PAM: variants seen among roughly 807,000 people sequenced by gnomAD.
The protein encoded by PAM is peptidyl-glycine alpha-amidating monooxygenase.
In PAM, 72 loss-of-function variants were observed where a neutral mutation model predicts 122.1. The ratio of observed to expected loss-of-function variants is 0.59; its 90% CI spans 0.49 to 0.72. PAM has a LOEUF of 0.72. Among genes scored for constraint, PAM ranks in the 30% least tolerant of loss-of-function variants. The pLI is 0.00. For synonymous variants in PAM, 389 were observed against 404.4 expected, an observed-to-expected ratio of 0.96 and a Z score of 0.46; for missense variants, 1,106 against 1,183.7, an observed-to-expected ratio of 0.93 and a Z score of 0.96.
intron 1 of PAM, among the ~76,000 whole-genome samples, chr5:102,807,712 T>C (rs577672426): frequency 6.6e-6 from 1 of 152,312 alleles, no homozygotes; most frequent in African/African-American, 2.4e-5. Context: ...AATGAAGTAT[T>C]CACCGTTAAG....
At position 102,901,389 on chromosome 5, in the gene PAM, C is replaced by T; in HGVS notation, c.244C>T (p.Pro82Ser). ...DTYFCMSMRIPVDEEAFVIDF... is the reference protein window; with the variant it reads ...DTYFCMSMRISVDEEAFVIDF... ...ATACTTCTGCATGTCTATGCGAATA[C>T]CAGTGGATGAGGAAGCCTTCGTGAG... Residue 82 changes from proline to serine, a missense_variant, in exon 4 of 26, where the codon CCA becomes TCA. Physicochemically the swap from Pro to Ser is moderately conservative, Grantham distance 74 (BLOSUM62 -1). This residue lies in a region of PAM where 670 missense variants were observed against 690.3 expected (regional missense o/e 0.97). Transcript: ENST00000438793. The T allele has an allele frequency of 1.3e-6, 2 of 1,588,448 alleles. No individual in the cohort carries two copies. Among genetic ancestry groups the T allele is most frequent in the Non-Finnish European group, 1.7e-6 (2 of 1,158,348 alleles).
chr5:102,963,352 G>A (rs563658901), intron 14 of PAM, among the ~76,000 whole-genome samples: 1 of 151,894 alleles, frequency 6.6e-6, no homozygotes, highest in Non-Finnish European at 1.5e-5. Context: ...ATATTTGTTT[G>A]CACAAAGTGT....
intron 16 of PAM, among the ~76,000 whole-genome samples, chr5:103,000,889 A>G (rs1777186993): frequency 1.3e-5 from 2 of 152,202 alleles, no homozygotes; most frequent in African/African-American, 4.8e-5. Context: ...GGAAACTACA[A>G]TTCAAAATAA....
At chr5:102,820,743 A>G (rs1445596904) in intron 1 of PAM, among the ~76,000 whole-genome samples, 1 of 152,220 alleles carries the variant, frequency 6.6e-6, no homozygotes, top group African/African-American at 2.4e-5. Flanking sequence ...CCACATGGAT[A>G]AGTAATTATA....
At chr5:102,823,039 T>C (rs1357907795) in intron 1 of PAM, among the ~76,000 whole-genome samples, 2 of 152,146 alleles carry the variant, frequency 1.3e-5, no homozygotes, top group Non-Finnish European at 2.9e-5. Flanking sequence ...TTCGTTTTTT[T>C]CCCCCAGTTG....
chr5:102,932,538 CAT>C (rs1581842857), intron 7 of PAM, among the ~76,000 whole-genome samples: 1 of 147,826 alleles, frequency 6.8e-6, no homozygotes, highest in East Asian at 2.0e-4. Flanking sequence ...TACATACACA[CAT>C]ATATGTATGT....
At chr5:102,814,418 G>T (rs996549415) in intron 1 of PAM, among the ~76,000 whole-genome samples, 5 of 151,938 alleles carry the variant, frequency 3.3e-5, no homozygotes, top group African/African-American at 1.2e-4. Context: ...GCCCTCACGT[G>T]GGTGATGGTG....
intron 12 of PAM, among the ~76,000 whole-genome samples, chr5:102,954,360 C>G (rs1582124840): frequency 6.6e-6 from 1 of 151,848 alleles, no homozygotes; most frequent in East Asian, 1.9e-4. Flanking sequence ...GCCTTTGCCT[C>G]CGTGTGGCTT....
chr5:102,877,475 A>G (rs1381598758), intron 3 of PAM, among the ~76,000 whole-genome samples: 1 of 152,212 alleles, frequency 6.6e-6, no homozygotes, highest in Non-Finnish European at 1.5e-5. Flanking sequence ...TGCTTTATTT[A>G]GAAAATATTT....
intron 1 of PAM, among the ~76,000 whole-genome samples, chr5:102,815,979 C>T (rs1769639301): frequency 6.6e-6 from 1 of 152,048 alleles, no homozygotes; most frequent in African/African-American, 2.4e-5. Context: ...GAGATTTTTT[C>T]ATCTTTTCAA....
At chr5:102,998,396 C>T (rs1373242248) in intron 16 of PAM, among the ~76,000 whole-genome samples, 6 of 152,138 alleles carry the variant, frequency 3.9e-5, no homozygotes, top group Non-Finnish European at 7.4e-5. Context: ...AGGTCTAATA[C>T]GAGGATATAT....
At chr5:102,824,578 A>T (rs1045811145) in intron 1 of PAM, among the ~76,000 whole-genome samples, 14 of 152,208 alleles carry the variant, frequency 9.2e-5, no homozygotes, top group African/African-American at 3.4e-4. Context: ...TACCATGTAT[A>T]ACTGTGATAG....
At chr5:103,012,581 G>A (rs189615265) in intron 21 of PAM, among the ~76,000 whole-genome samples, 26 of 152,174 alleles carry the variant, frequency 1.7e-4, no homozygotes, top group East Asian at 3.9e-4. Context: ...TGGGCCAGGC[G>A]CGGTGGCTCA....
Position 102,871,359 on chromosome 5 carries a change from A to T in PAM, c.210+3966A>T, listed in dbSNP as rs572537652. On this transcript the variant is annotated intron_variant, in intron 3 of 25. Coordinates refer to ENST00000438793, the MANE Select transcript of PAM (RefSeq NM_001177306.2). ...GTGAATGCACCTTGACACTAGAAAG[A>T]AATTGCTAACCCTTAGGCTTTCAGC... Among the ~76,000 whole-genome samples, 84 of 152,288 alleles carry T rather than the reference A, an allele frequency of 5.5e-4. 1 individual carries two copies. Among genetic ancestry groups the T allele is most frequent in the Admixed American group, 3.1e-3 (48 of 15,288 alleles).
intron 20 of PAM, among the ~76,000 whole-genome samples, chr5:103,009,024 T>G (rs1450065514): frequency 6.6e-6 from 1 of 152,142 alleles, no homozygotes; most frequent in African/African-American, 2.4e-5. Flanking sequence ...AATGGTGGCT[T>G]AGCATTGTGT....
chr5:102,944,300 A>G (rs1756261540), intron 7 of PAM, among the ~76,000 whole-genome samples: 1 of 152,140 alleles, frequency 6.6e-6, no homozygotes, highest in South Asian at 2.1e-4. Flanking sequence ...TCTTTTTAAC[A>G]GGGATGTCTT....
At chr5:102,894,926 A>G (rs1795775876) in intron 3 of PAM, among the ~76,000 whole-genome samples, 1 of 151,248 alleles carries the variant, frequency 6.6e-6, no homozygotes, top group South Asian at 2.1e-4. Flanking sequence ...TTAAGCTACA[A>G]TTTTTCTGAA....
At position 102,949,434 on chromosome 5, in the gene PAM, C is replaced by T. The variant is rs969458914; in HGVS notation, c.644-103C>T. 1.2e-5 allele frequency: 9 copies of T among 746,150 alleles called. No individual in the cohort carries two copies. In the Admixed American group the frequency reaches 1.4e-4, roughly 11 times the overall value. 46.2% of individuals were successfully genotyped at this position (746,150 alleles called of 1,614,324 possible). A position where few individuals can be genotyped will look rare whatever the true frequency, so the allele number is the denominator to read the frequency against. On this transcript the variant is annotated intron_variant, in intron 9 of 25. Coordinates refer to ENST00000438793, the MANE Select transcript of PAM (RefSeq NM_001177306.2). ...GTGTATTTAAGTCATAAGAAAACCT[C>T]AGTCCCTAGCATCTTGTGAATACCC... is the stretch of plus-strand genomic sequence containing the variant.
At chr5:102,931,203 C>T (rs1751390883) in intron 7 of PAM, among the ~76,000 whole-genome samples, 1 of 152,140 alleles carries the variant, frequency 6.6e-6, no homozygotes, top group South Asian at 2.1e-4. Flanking sequence ...GACGTGGTTA[C>T]TTTTCAAAGA....
Sources: allele counts gnomAD v4.1 joint callset (sites outside exome capture counted in the v4.1 genomes callset), GRCh38; gene constraint gnomAD v4.1.1; regional missense constraint gnomAD v4.1.1; transcripts MANE v1.5; gene names NCBI Gene and HGNC (gene_info 2026-07-23, HGNC 2026-07-21).